SH3D19: variants seen among roughly 807,000 people sequenced by gnomAD.
The protein encoded by SH3D19 is SH3 domain containing 19.
SH3D19 carries 58 observed loss-of-function variants against 112.1 expected under a neutral mutation model. That is an observed-to-expected ratio of 0.52 (90% CI 0.42 to 0.64). The LOEUF (loss-of-function observed/expected upper bound fraction) is 0.64, where lower values mean the gene tolerates loss of function less well. Among genes scored for constraint, SH3D19 ranks in the 30% least tolerant of loss-of-function variants. The probability of loss-of-function intolerance (pLI) is 0.00; values close to 1 mark genes in which losing one functional copy is unlikely to be tolerated. For synonymous variants in SH3D19, 391 were observed against 448.5 expected (o/e 0.87, Z 1.62); for missense variants, 1,090 against 1,263.4 (o/e 0.86, Z 2.08).
intron 1 of SH3D19, among the ~76,000 whole-genome samples, chr4:151,320,762 G>C (rs1424028606): frequency 6.6e-6 from 1 of 152,038 alleles, no homozygotes; most frequent in Non-Finnish European, 1.5e-5. Flanking sequence ...AAACAGAACC[G>C]GGCACAGTGG....
chr4:151,154,551 T>C lies in SH3D19; in HGVS notation c.1755+4689A>G, dbSNP rs568304572. Among the ~76,000 whole-genome samples, 3 of 151,770 alleles carry C rather than the reference T, an allele frequency of 2.0e-5. No homozygotes were observed. The South Asian group carries it at 6.3e-4, about 32-fold the overall frequency. Reference sequence around the variant, plus strand: ...CGCCTTGGCCTCCCAAAGTGCTGGATTACAGGTGTGAGCCACCACACCCGG... The same window carrying C: ...CGCCTTGGCCTCCCAAAGTGCTGGACTACAGGTGTGAGCCACCACACCCGG... On this transcript the variant is annotated intron_variant, in intron 9 of 19. Coordinates refer to ENST00000604030, the MANE Select transcript of SH3D19 (RefSeq NM_001378122.1).
chr4:151,309,574 A>C (rs1368331257), intron 1 of SH3D19, among the ~76,000 whole-genome samples: 2 of 152,224 alleles, frequency 1.3e-5, no homozygotes, highest in African/African-American at 4.8e-5. Context: ...TGTTTTTTCA[A>C]AGAAGGTATA....
At chr4:151,180,810 C>T (rs1760790484) in intron 3 of SH3D19, among the ~76,000 whole-genome samples, 1 of 151,484 alleles carries the variant, frequency 6.6e-6, no homozygotes. Flanking sequence ...GTCGCCCAGG[C>T]TGGAGTGCAG....
chr4:151,139,296 G>A (rs2149756428), intron 13 of SH3D19, among the ~76,000 whole-genome samples: 1 of 151,808 alleles, frequency 6.6e-6, no homozygotes, highest in East Asian at 1.9e-4. Flanking sequence ...TGGACTACAG[G>A]CGCCCGCCAC....
At chr4:151,220,076 A>C (rs1438973497) in intron 2 of SH3D19, among the ~76,000 whole-genome samples, 1 of 152,238 alleles carries the variant, frequency 6.6e-6, no homozygotes, top group Non-Finnish European at 1.5e-5. Flanking sequence ...CACATGACAC[A>C]GAACTCTATG....
chr4:151,208,489 G>A (rs1580163538), intron 2 of SH3D19, among the ~76,000 whole-genome samples: 1 of 152,120 alleles, frequency 6.6e-6, no homozygotes, highest in East Asian at 1.9e-4. Context: ...TCCTGCCTCA[G>A]CCTCCTAGGT....
At chr4:151,263,561 A>C (rs943089148) in intron 1 of SH3D19, among the ~76,000 whole-genome samples, 1 of 152,240 alleles carries the variant, frequency 6.6e-6, no homozygotes, top group African/African-American at 2.4e-5. Flanking sequence ...TATCTGGAAG[A>C]CTTAGCTGGT....
intron 9 of SH3D19, among the ~76,000 whole-genome samples, chr4:151,150,207 AT>A (rs1341779178): frequency 0.059 from 1,401 of 23,618 alleles, 129 homozygotes; most frequent in African/African-American, 0.13. Context: ...AAAAAAAAAA[AT>A]ATATATATAT....
At chr4:151,167,738 C>G (rs1758318661) in intron 7 of SH3D19, among the ~76,000 whole-genome samples, 1 of 152,058 alleles carries the variant, frequency 6.6e-6, no homozygotes, top group South Asian at 2.1e-4. Context: ...GCCCCACCGT[C>G]TGGGAAGTGA....
At chr4:151,233,201 C>G (rs1194538541) in intron 1 of SH3D19, among the ~76,000 whole-genome samples, 2 of 151,712 alleles carry the variant, frequency 1.3e-5, no homozygotes, top group African/African-American at 4.8e-5. Flanking sequence ...CAGCTCAGGG[C>G]TCCCACTGAT....
At chr4:151,201,691 G>A (rs1764403216) in intron 2 of SH3D19, among the ~76,000 whole-genome samples, 1 of 152,132 alleles carries the variant, frequency 6.6e-6, no homozygotes, top group East Asian at 1.9e-4. Flanking sequence ...CTAAAGGAGA[G>A]GGTAAAGTAT....
At position 151,226,000 on chromosome 4, in the gene SH3D19, C is replaced by A. The variant is rs1281313379; in HGVS notation, c.152+47G>T. 6 of 1,192,762 alleles carry A rather than the reference C, an allele frequency of 5.0e-6. No individual in the cohort carries two copies. The East Asian group carries it at 1.6e-4, about 32-fold the overall frequency. The allele number at this position is 1,192,762 out of a possible 1,614,324, so 73.9% of individuals were successfully genotyped here. Reference sequence around the variant, plus strand: ...TACATTGCTTCCAAACAATACTTTTCAAATAAGAAGCTTTATACAGAATTA... The same window carrying A: ...TACATTGCTTCCAAACAATACTTTTAAAATAAGAAGCTTTATACAGAATTA... On this transcript the variant is annotated intron_variant, in intron 2 of 19. Transcript: ENST00000604030.
chr4:151,213,244 AAAG>A (rs1339556463), intron 2 of SH3D19, among the ~76,000 whole-genome samples: 2 of 152,248 alleles, frequency 1.3e-5, no homozygotes, highest in East Asian at 3.8e-4. Context: ...TCCAATTTTG[AAAG>A]AAGTTCTACT....
chr4:151,315,875 C>T (rs1729933059), intron 1 of SH3D19, among the ~76,000 whole-genome samples: 1 of 152,164 alleles, frequency 6.6e-6, no homozygotes, highest in South Asian at 2.1e-4. Flanking sequence ...TAATTCTTTA[C>T]TCCTTAAGTG....
rs544810718 is a variant in SH3D19 at position 151,202,851 on chromosome 4, T to C, written c.153-15388A>G. Among the ~76,000 whole-genome samples, 76 of 152,268 alleles carry C rather than the reference T, an allele frequency of 5.0e-4. 1 individual carries two copies. Among genetic ancestry groups the C allele is most frequent in the African/African-American group, 1.7e-3 (70 of 41,554 alleles). On this transcript the variant is annotated intron_variant, in intron 2 of 19. Coordinates refer to ENST00000604030, the MANE Select transcript of SH3D19 (RefSeq NM_001378122.1). ...GGCCCTTCTAAACACCCAAAACTAG[T>C]GTGATAAAGTTGGACATTTTGCTTC... is the stretch of plus-strand genomic sequence containing the variant.
At chr4:151,296,979 C>T (rs928913190) in intron 1 of SH3D19, among the ~76,000 whole-genome samples, 3 of 152,112 alleles carry the variant, frequency 2.0e-5, no homozygotes, top group Non-Finnish European at 4.4e-5. Flanking sequence ...GATATTATTT[C>T]GACAGTGAAT....
At chr4:151,322,451 AAAAACCTT>A (rs1352210306) in intron 1 of SH3D19, among the ~76,000 whole-genome samples, 1 of 150,804 alleles carries the variant, frequency 6.6e-6, no homozygotes, top group Admixed American at 6.6e-5. Flanking sequence ...AAAAAAAAAA[AAAAACCTT>A]TCCTGAATTG....
chr4:151,176,618 T>TCC lies in SH3D19; in HGVS notation c.444_445insGG (p.Asn149GlyfsTer23). On this transcript the variant is annotated frameshift_variant, in exon 6 of 20. Transcript: ENST00000604030. LOFTEE classifies it high-confidence loss of function. Reference sequence around the variant, plus strand: ...GTGTGCCTTGGAGTAGCAGCAGCATTATTATTATTTGTAGTATTAACTTGA... The same window carrying TCC: ...GTGTGCCTTGGAGTAGCAGCAGCATTCCATTATTATTTGTAGTATTAACTTGA... 1 of 1,231,496 alleles carries TCC rather than the reference T, an allele frequency of 8.1e-7. No individual in the cohort carries two copies. Among genetic ancestry groups the TCC allele is most frequent in the East Asian group, 3.2e-5 (1 of 31,702 alleles). 76.3% of individuals were successfully genotyped at this position (1,231,496 alleles called of 1,614,324 possible).
intron 1 of SH3D19, among the ~76,000 whole-genome samples, chr4:151,278,579 T>C (rs1002676121): frequency 6.6e-6 from 1 of 152,114 alleles, no homozygotes; most frequent in African/African-American, 2.4e-5. Flanking sequence ...ATCCCTAGTT[T>C]GAGAGTCCCA....
Sources: gnomAD v4.1 joint callset for allele counts (sites outside exome capture counted in the v4.1 genomes callset) on GRCh38, gnomAD v4.1.1 for gene constraint, MANE v1.5 for transcripts, NCBI Gene and HGNC (gene_info 2026-07-23, HGNC 2026-07-21) for gene names.